KIF6: variants seen among roughly 807,000 people sequenced by gnomAD.
The protein encoded by KIF6 is kinesin-like protein KIF6.
In KIF6, 106 loss-of-function variants were observed where a neutral mutation model predicts 112.7. The observed-to-expected ratio is 0.94, with a 90% CI of 0.80 to 1.11. The LOEUF (loss-of-function observed/expected upper bound fraction) is 1.11, where lower values mean the gene tolerates loss of function less well. Ranked by LOEUF, KIF6 falls within the 50% of genes least tolerant of loss-of-function variation. The probability of loss-of-function intolerance (pLI) is 0.00; values close to 1 mark genes in which losing one functional copy is unlikely to be tolerated. For missense variants in KIF6, 929 were observed against 964.0 expected, an observed-to-expected ratio of 0.96 and a Z score of 0.48; for synonymous variants, 339 against 339.9, an observed-to-expected ratio of 1.00 and a Z score of 0.03.
rs147085614 is a variant in KIF6, at chr6:39,639,966, A to G, written c.252-209T>C. Among the ~76,000 whole-genome samples, 45 of 152,248 alleles carry G rather than the reference A, an allele frequency of 3.0e-4. 1 individual carries two copies. Among genetic ancestry groups the G allele is most frequent in the Non-Finnish European group, 5.0e-4 (34 of 68,006 alleles). On this transcript the variant is annotated intron_variant, in intron 3 of 22. Transcript: ENST00000287152. ...CATCAATCCTGTTCTCTAAGAAAGG[A>G]TGTGCAACACAAATGGAGTTCAGTC...
chr6:39,615,069 A>T (rs1451388574), intron 5 of KIF6, among the ~76,000 whole-genome samples: 3 of 152,038 alleles, frequency 2.0e-5, no homozygotes, highest in African/African-American at 7.2e-5. Context: ...AGCACTTTGG[A>T]CACTGAGGTG....
At chr6:39,676,658 T>C (rs1238165386) in intron 3 of KIF6, among the ~76,000 whole-genome samples, 1 of 152,048 alleles carries the variant, frequency 6.6e-6, no homozygotes, top group African/African-American at 2.4e-5. Flanking sequence ...TTAAAGTGAA[T>C]CATATATATC....
chr6:39,531,277 CA>C (rs1269419595), intron 13 of KIF6, among the ~76,000 whole-genome samples: 1 of 152,074 alleles, frequency 6.6e-6, no homozygotes, highest in Non-Finnish European at 1.5e-5. Context: ...ATTCTCCAAA[CA>C]AAACTCTAGT....
chr6:39,519,518 C>G (rs899280430), intron 13 of KIF6, among the ~76,000 whole-genome samples: 1 of 152,254 alleles, frequency 6.6e-6, no homozygotes, highest in African/African-American at 2.4e-5. Flanking sequence ...GACATATTGA[C>G]AGGTATTCTG....
At chr6:39,660,608 C>T (rs1455061227) in intron 3 of KIF6, among the ~76,000 whole-genome samples, 1 of 152,080 alleles carries the variant, frequency 6.6e-6, no homozygotes, top group Non-Finnish European at 1.5e-5. Flanking sequence ...AACAGTCTTT[C>T]AAAAGCTAAA....
chr6:39,378,184 G>A lies in KIF6; in HGVS notation c.1861+7438C>T, dbSNP rs887518864. On this transcript the variant is annotated intron_variant, in intron 16 of 22. Transcript: ENST00000287152. This position sits in a 1 kb window ranked among gnomAD's most constrained non-coding sequence, Gnocchi z 5.0. ...GTAAATGCAGAGAAACCCCCATCCC[G>A]CACACAAACACACAAACCACACACA... 3.3e-5 allele frequency among the ~76,000 whole-genome samples: 5 copies of A among 151,594 alleles called. No individual in the cohort carries two copies. The East Asian group carries it at 5.8e-4, about 18-fold the overall frequency.
chr6:39,374,720 A>ATAAGTG (rs1766294770), intron 16 of KIF6, among the ~76,000 whole-genome samples: 1 of 152,208 alleles, frequency 6.6e-6, no homozygotes, highest in African/African-American at 2.4e-5. Flanking sequence ...AAGATGAAAG[A>ATAAGTG]TAAGTGTTGG....
At chr6:39,612,077 G>GA (rs1390118833) in intron 6 of KIF6, among the ~76,000 whole-genome samples, 2 of 152,058 alleles carry the variant, frequency 1.3e-5, no homozygotes, top group African/African-American at 4.8e-5. Context: ...AAACAACTGT[G>GA]ACAAAAACAA....
intron 13 of KIF6, among the ~76,000 whole-genome samples, chr6:39,437,299 C>A (rs1771592470): frequency 6.6e-6 from 1 of 152,102 alleles, no homozygotes; most frequent in Non-Finnish European, 1.5e-5. Context: ...GGTATAAGAT[C>A]ATATCATTGG....
chr6:39,693,095 C>T (rs1421733083), intron 3 of KIF6, among the ~76,000 whole-genome samples: 1 of 152,204 alleles, frequency 6.6e-6, no homozygotes, highest in Non-Finnish European at 1.5e-5. Context: ...TCAATGTACG[C>T]ATATGCCCCT....
chr6:39,403,233 G>A (rs1016321249), intron 15 of KIF6, among the ~76,000 whole-genome samples: 7 of 152,056 alleles, frequency 4.6e-5, no homozygotes, highest in African/African-American at 1.7e-4. Flanking sequence ...TGTGCATCAT[G>A]GGTTTGGACA....
At chr6:39,711,235 T>C (rs1187100062) in intron 3 of KIF6, among the ~76,000 whole-genome samples, 1 of 28,124 alleles carries the variant, frequency 3.6e-5, no homozygotes, top group Admixed American at 3.8e-4. Flanking sequence ...TCAAATTTCA[T>C]AAAAACAAAA....
At chr6:39,671,159 G>A (rs563884011) in intron 3 of KIF6, among the ~76,000 whole-genome samples, 1 of 152,248 alleles carries the variant, frequency 6.6e-6, no homozygotes, top group East Asian at 1.9e-4. Context: ...ACCAAATGCT[G>A]AGAAAGCCAA....
chr6:39,601,877 G>A (rs1038498894), intron 6 of KIF6, among the ~76,000 whole-genome samples: 2 of 152,068 alleles, frequency 1.3e-5, no homozygotes, highest in African/African-American at 4.8e-5. Context: ...CAAACAATGT[G>A]TAAGACATGA....
Position 39,535,227 on chromosome 6 carries a change from G to C in KIF6, c.1645+4776C>G, listed in dbSNP as rs1031591365. Among the ~76,000 whole-genome samples, 29 of 152,166 alleles carry C rather than the reference G, an allele frequency of 1.9e-4. 1 individual carries two copies. The highest frequency in any genetic ancestry group is 4.1e-4 in the South Asian group (2 of 4,828). On this transcript the variant is annotated intron_variant, in intron 13 of 22. Transcript: ENST00000287152. ...ACACATAACAATACTAACTTTAAAT[G>C]TAAATGGACTAAATGCTCCAATTAA...
intron 6 of KIF6, among the ~76,000 whole-genome samples, chr6:39,604,059 T>C (rs551436918): frequency 6.6e-6 from 1 of 152,112 alleles, no homozygotes; most frequent in Non-Finnish European, 1.5e-5. Flanking sequence ...AACCACAGGA[T>C]CTAGAATTCA....
intron 13 of KIF6, among the ~76,000 whole-genome samples, chr6:39,469,237 A>C (rs1362788923): frequency 6.6e-6 from 1 of 152,150 alleles, no homozygotes; most frequent in African/African-American, 2.4e-5. Flanking sequence ...CACTTAATGT[A>C]AAATAAAGCA....
chr6:39,452,907 T>C (rs1772797468), intron 13 of KIF6, among the ~76,000 whole-genome samples: 1 of 152,176 alleles, frequency 6.6e-6, no homozygotes, highest in Admixed American at 6.5e-5. Flanking sequence ...TCTTGGACAT[T>C]CTCCCCTCCC....
chr6:39,660,700 A>G (rs1786090142), intron 3 of KIF6, among the ~76,000 whole-genome samples: 1 of 152,208 alleles, frequency 6.6e-6, no homozygotes, highest in African/African-American at 2.4e-5. Context: ...CACAGTCAGC[A>G]CTGTGCCCCT....
Sources: gnomAD v4.1 joint callset for allele counts (sites outside exome capture counted in the v4.1 genomes callset) on GRCh38, gnomAD v4.1.1 for gene constraint, Gnocchi (gnomAD v3.1) non-coding constraint, MANE v1.5 for transcripts, NCBI Gene and HGNC (gene_info 2026-07-23, HGNC 2026-07-21) for gene names.